Variants in DIAPH2 observed in about 807,000 individuals in gnomAD.
DIAPH2 encodes the protein protein diaphanous homolog 2.
A neutral mutation model predicts 92.7 loss-of-function variants in DIAPH2; 35 were observed. The ratio of observed to expected loss-of-function variants is 0.38; its 90% confidence interval spans 0.29 to 0.50. The LOEUF (loss-of-function observed/expected upper bound fraction) is 0.50. DIAPH2 is among the 20% of genes least tolerant of loss of function. The probability of loss-of-function intolerance (pLI) is 0.94; values close to 1 mark genes in which losing one functional copy is unlikely to be tolerated. For missense variants in DIAPH2, 701 were observed against 819.5 expected (o/e 0.86, Z 1.77); for synonymous variants, 301 against 280.4 (o/e 1.07, Z -0.73).
chrX:97,555,489 TAC>T (rs2071250892), intron 26 of DIAPH2: 1 of 708,761 alleles, frequency 1.4e-6, no homozygotes, highest in South Asian at 7.3e-5. Flanking sequence ...GAAATATTTT[TAC>T]AGAGACATCA....
rs2071593451 is a variant in DIAPH2, at chrX:97,601,227, G to A, written c.*1910G>A. ...CTTTTGACAGCTTATCAGTCTGTAG[G>A]AGAATGATCTTGAAATGTTAACCCT... On this transcript the variant is annotated 3_prime_UTR_variant, in exon 27 of 27. Transcript: ENST00000324765. The A allele has an allele frequency of 1.8e-5, 2 of 111,725 alleles. No individual in the cohort carries two copies. The highest frequency in any genetic ancestry group is 3.8e-5 in the Non-Finnish European group (2 of 53,038). The allele number at this position is 111,725 out of a possible 1,213,427, so 9.2% of individuals were successfully genotyped here. A position where few individuals can be genotyped will look rare whatever the true frequency, so the allele number is the denominator to read the frequency against.
chrX:97,457,103 C>T (rs2070414166), intron 26 of DIAPH2, among the ~76,000 whole-genome samples: 1 of 111,619 alleles, frequency 9.0e-6, no homozygotes, highest in Admixed American at 9.5e-5. Flanking sequence ...TCACTGTAAC[C>T]TCTGCCTCCT....
chrX:97,066,524 A>G (rs1372474917), intron 17 of DIAPH2, among the ~76,000 whole-genome samples: 1 of 111,998 alleles, frequency 8.9e-6, no homozygotes, highest in African/African-American at 3.2e-5. Context: ...ATTAAACAAG[A>G]TGTAAGTGTA....
intron 17 of DIAPH2, among the ~76,000 whole-genome samples, chrX:97,049,899 G>A (rs927054432): frequency 9.0e-6 from 1 of 111,183 alleles, no homozygotes; most frequent in Admixed American, 9.5e-5. Flanking sequence ...ATATATGCAA[G>A]CACTGTGCAG....
intron 23 of DIAPH2, among the ~76,000 whole-genome samples, chrX:97,293,468 G>T (rs1376991652): frequency 9.1e-6 from 1 of 109,909 alleles, no homozygotes; most frequent in East Asian, 2.9e-4. Context: ...GGCCAGGATG[G>T]TCTCTGTCTC....
chrX:96,844,593 T>C (rs1224087996), intron 4 of DIAPH2, among the ~76,000 whole-genome samples: 1 of 112,619 alleles, frequency 8.9e-6, no homozygotes, highest in South Asian at 3.7e-4. Context: ...ACAACTTTCA[T>C]TGATTTATAC....
chrX:96,747,736 C>T (rs1985697529), intron 3 of DIAPH2, among the ~76,000 whole-genome samples: 1 of 111,874 alleles, frequency 8.9e-6, no homozygotes, highest in African/African-American at 3.2e-5. Flanking sequence ...TCACCCAACC[C>T]TAGTCTTTTA....
chrX:97,473,019 G>C (rs1401975632), intron 26 of DIAPH2, among the ~76,000 whole-genome samples: 1 of 112,009 alleles, frequency 8.9e-6, no homozygotes, highest in Non-Finnish European at 1.9e-5. Context: ...GGTACAACTA[G>C]TTGCTACATG....
At chrX:96,927,066 T>C (rs1176336295) in intron 9 of DIAPH2, among the ~76,000 whole-genome samples, 1 of 111,295 alleles carries the variant, frequency 9.0e-6, no homozygotes, top group African/African-American at 3.3e-5. Flanking sequence ...GCAAGATTTG[T>C]GCGATATAAT....
intron 24 of DIAPH2, among the ~76,000 whole-genome samples, chrX:97,365,987 G>A (rs1418573723): frequency 1.8e-5 from 2 of 111,393 alleles, no homozygotes; most frequent in East Asian, 2.8e-4. Context: ...CATCGCACCC[G>A]GTGCTCATAT....
chrX:96,936,814 G>A (rs2065660761), intron 10 of DIAPH2, among the ~76,000 whole-genome samples: 1 of 111,529 alleles, frequency 9.0e-6, no homozygotes, highest in South Asian at 3.7e-4. Context: ...ATATATCCTT[G>A]CATTTGTTCT....
chrX:96,742,333 G>A (rs1317933899), intron 3 of DIAPH2, among the ~76,000 whole-genome samples: 1 of 111,356 alleles, frequency 9.0e-6, no homozygotes, highest in Non-Finnish European at 1.9e-5. Flanking sequence ...CTATAATAAT[G>A]GTAGGATTAT....
At chrX:96,993,659 A>G (rs181454454) in intron 17 of DIAPH2, among the ~76,000 whole-genome samples, 1 of 111,999 alleles carries the variant, frequency 8.9e-6, no homozygotes, top group Admixed American at 9.5e-5. Context: ...TGGGGATTAC[A>G]ATTTAAAATG....
intron 26 of DIAPH2, among the ~76,000 whole-genome samples, chrX:97,558,584 A>G (rs1208256726): frequency 9.0e-6 from 1 of 111,687 alleles, no homozygotes; most frequent in Non-Finnish European, 1.9e-5. Flanking sequence ...TGATTTAAGC[A>G]GAAGAGGGCC....
chrX:96,836,717 A>ATTTTTTTTT (rs1172979194), intron 4 of DIAPH2, among the ~76,000 whole-genome samples: 1 of 18,903 alleles, frequency 5.3e-5, no homozygotes, highest in Non-Finnish European at 8.7e-5. Context: ...ATATATATAT[A>ATTTTTTTTT]TTTTTTTTTT....
chrX:96,903,373 A>G (rs1569424226), intron 5 of DIAPH2, among the ~76,000 whole-genome samples: 1 of 111,921 alleles, frequency 8.9e-6, no homozygotes, highest in Non-Finnish European at 1.9e-5. Flanking sequence ...TACTTTAACA[A>G]AATTCCACAA....
intron 5 of DIAPH2, among the ~76,000 whole-genome samples, chrX:96,888,575 A>ATATATC (rs1237048339): frequency 3.1e-5 from 3 of 96,729 alleles, no homozygotes; most frequent in Non-Finnish European, 4.1e-5. Flanking sequence ...ACACAGATAT[A>ATATATC]TATATCTATA....
intron 22 of DIAPH2, among the ~76,000 whole-genome samples, chrX:97,232,435 A>G (rs2068016750): frequency 9.0e-6 from 1 of 111,119 alleles, no homozygotes; most frequent in South Asian, 3.8e-4. Flanking sequence ...GGATTTCACC[A>G]TGTTGGCCAG....
At chrX:97,307,532 G>A (rs913232997) in intron 23 of DIAPH2, among the ~76,000 whole-genome samples, 4 of 111,581 alleles carry the variant, frequency 3.6e-5, no homozygotes, top group African/African-American at 1.3e-4. Flanking sequence ...TATTTACTAA[G>A]GTTTTATCGA....
Sources: allele counts gnomAD v4.1 joint callset (sites outside exome capture counted in the v4.1 genomes callset), GRCh38; gene constraint gnomAD v4.1.1; transcripts MANE v1.5; gene names NCBI Gene and HGNC (gene_info 2026-07-23, HGNC 2026-07-21).